The following PCDHGA10 variants were observed in gnomAD, a reference collection of about 807,000 sequenced individuals.
PCDHGA10 encodes protocadherin gamma subfamily A, 10, also known as protocadherin gamma-A10.
PCDHGA10 carries 42 observed loss-of-function variants against 59.5 expected under a neutral mutation model. The observed-to-expected ratio is 0.71, with a 90% CI of 0.55 to 0.91. The LOEUF is 0.91. Ranked by LOEUF, PCDHGA10 falls within the 40% of genes least tolerant of loss-of-function variation. PCDHGA10 has a pLI of 0.00. For synonymous variants in PCDHGA10, 511 were observed against 517.2 expected (o/e 0.99, Z 0.16); for missense variants, 1,111 against 1,198.2 (o/e 0.93, Z 1.07).
Position 141,423,691 on chromosome 5 carries a change from T to C in PCDHGA10, c.2436+8080T>C. On this transcript the variant is annotated intron_variant, in intron 1 of 3. Coordinates refer to ENST00000398610, the MANE Select transcript of PCDHGA10 (RefSeq NM_018913.3). Reference sequence around the variant, plus strand: ...ATTTATTTCTCTGCCTCCTAATTGTTGGTGTCTTGGCACAAGTCTTTTAAG... The same window carrying C: ...ATTTATTTCTCTGCCTCCTAATTGTCGGTGTCTTGGCACAAGTCTTTTAAG... 5 of 1,506,830 alleles carry C rather than the reference T, an allele frequency of 3.3e-6. No individual in the cohort carries two copies. The South Asian group carries it at 6.9e-5, about 21-fold the overall frequency. 93.3% of individuals were successfully genotyped at this position (1,506,830 alleles called of 1,614,324 possible).
Position 141,432,599 on chromosome 5 carries a change from C to T in PCDHGA10, c.2436+16988C>T. 2.5e-6 allele frequency: 4 copies of T among 1,613,908 alleles called. No individual in the cohort carries two copies. The highest frequency in any genetic ancestry group is 2.7e-5 in the African/African-American group (2 of 75,052). On this transcript the variant is annotated intron_variant, in intron 1 of 3. Coordinates refer to ENST00000398610, the MANE Select transcript of PCDHGA10 (RefSeq NM_018913.3). The surrounding 1 kb of genome is among the most constrained non-coding windows in gnomAD (Gnocchi z 6.0). Reference sequence around the variant, plus strand: ...CTACCGTCTGCTCAAGGCCAGCGAGCCGGGACTCTTCTCGGTGGGTCTGCA... The same window carrying T: ...CTACCGTCTGCTCAAGGCCAGCGAGTCGGGACTCTTCTCGGTGGGTCTGCA...
chr5:141,442,457 T>G (rs1209684998), intron 1 of PCDHGA10: 1 of 152,268 alleles, frequency 6.6e-6, no homozygotes, highest in African/African-American at 2.4e-5. Context: ...AATAGCAGTT[T>G]CACTGCAGAA....
chr5:141,464,823 C>T (rs890811354), intron 1 of PCDHGA10, among the ~76,000 whole-genome samples: 5 of 151,986 alleles, frequency 3.3e-5, no homozygotes, highest in African/African-American at 1.2e-4. Flanking sequence ...ACTGTAGCCT[C>T]GCACTCCTGG....
intron 1 of PCDHGA10, chr5:141,478,305 C>A (rs775282798): frequency 1.2e-6 from 2 of 1,613,974 alleles, no homozygotes; most frequent in Non-Finnish European, 8.5e-7. Flanking sequence ...TACCGAGCCC[C>A]GGTGAGCTCA....
At chr5:141,483,907 C>A (rs545585133) in intron 1 of PCDHGA10, among the ~76,000 whole-genome samples, 1 of 151,240 alleles carries the variant, frequency 6.6e-6, no homozygotes, top group East Asian at 1.9e-4. Context: ...TGGTGTGTTT[C>A]CCACTCAGAT....
chr5:141,503,401 C>A (rs987421198), intron 2 of PCDHGA10, among the ~76,000 whole-genome samples: 15 of 151,848 alleles, frequency 9.9e-5, no homozygotes, highest in Non-Finnish European at 1.9e-4. Context: ...TCGAAACCAA[C>A]CTGGCCAATA....
In PCDHGA10 at chr5:141,512,133, G is replaced by A. The variant is rs1394116556; in HGVS notation, c.*960G>A. ...CCACTACATAATAGGGCTCAGCCCA[G>A]GCAGCCAGCTTTGGGCTGAGCTAAC... On this transcript the variant is annotated 3_prime_UTR_variant, in exon 4 of 4. Coordinates refer to ENST00000398610, the MANE Select transcript of PCDHGA10 (RefSeq NM_018913.3). 3 of 152,708 alleles carry A rather than the reference G, an allele frequency of 2.0e-5. No homozygotes were observed. Among genetic ancestry groups the A allele is most frequent in the Non-Finnish European group, 2.9e-5 (2 of 68,102 alleles). 9.5% of individuals were successfully genotyped at this position (152,708 alleles called of 1,614,324 possible).
At chr5:141,484,317 T>C (rs939085863) in intron 1 of PCDHGA10, among the ~76,000 whole-genome samples, 1 of 152,220 alleles carries the variant, frequency 6.6e-6, no homozygotes, top group Non-Finnish European at 1.5e-5. Context: ...CCCGCTTCCA[T>C]ACTGTCCTTG....
chr5:141,418,626 C>A (rs1237600131), intron 1 of PCDHGA10: 2 of 1,613,902 alleles, frequency 1.2e-6, no homozygotes, highest in African/African-American at 2.7e-5. Context: ...GAAGACGTGC[C>A]TCCAGGCACC....
rs374191427 is a variant in PCDHGA10 at position 141,419,804 on chromosome 5, G to A, written c.2436+4193G>A. ...GCGCCTGCTAGTCGCTGTAAGAGAT[G>A]GAGGACAGCCACCCCTTTCAGCCAC... On this transcript the variant is annotated intron_variant, in intron 1 of 3. Coordinates refer to ENST00000398610, the MANE Select transcript of PCDHGA10 (RefSeq NM_018913.3). The A allele has an allele frequency of 2.8e-5, 45 of 1,613,946 alleles. No homozygotes were observed. The highest frequency in any genetic ancestry group is 1.6e-4 in the Middle Eastern group (1 of 6,082).
rs1301800438 is a variant in PCDHGA10, at chr5:141,432,966, C to T, written c.2436+17355C>T. ...TCAGGAGGCGGCTTGACAGGAGCGC[C>T]GGCGTCGCACTTTGTGGGCGTGGAC... On this transcript the variant is annotated intron_variant, in intron 1 of 3. Coordinates refer to ENST00000398610, the MANE Select transcript of PCDHGA10 (RefSeq NM_018913.3). This position sits in a 1 kb window ranked among gnomAD's most constrained non-coding sequence, Gnocchi z 6.0. 1.2e-6 allele frequency: 2 copies of T among 1,614,066 alleles called. No homozygotes were observed. The highest frequency in any genetic ancestry group is 8.5e-7 in the Non-Finnish European group (1 of 1,180,052).
intron 1 of PCDHGA10, among the ~76,000 whole-genome samples, chr5:141,450,088 C>T (rs1358812478): frequency 1.3e-5 from 2 of 148,484 alleles, no homozygotes; most frequent in East Asian, 2.0e-4. Context: ...CTCACTGCAA[C>T]CTCCGCCTCC....
At chr5:141,447,011 C>T (rs1213312322) in intron 1 of PCDHGA10, among the ~76,000 whole-genome samples, 1 of 143,918 alleles carries the variant, frequency 6.9e-6, no homozygotes. Flanking sequence ...TCCTAGTGTT[C>T]AGTTTTGTTT....
At chr5:141,455,185 T>C (rs1334330699) in intron 1 of PCDHGA10, among the ~76,000 whole-genome samples, 1 of 152,064 alleles carries the variant, frequency 6.6e-6, no homozygotes, top group Admixed American at 6.6e-5. Flanking sequence ...TTTTTATTTC[T>C]CTACAAATTT....
Position 141,490,795 on chromosome 5 carries a change from C to G in PCDHGA10, c.2437-4012C>G. The G allele has an allele frequency of 6.2e-7, 1 of 1,614,036 alleles. No homozygotes were observed. The highest frequency in any genetic ancestry group is 1.1e-5 in the South Asian group (1 of 91,084). Reference sequence around the variant, plus strand: ...CCCAGAGGATGGACGGATCTTTGCCCAGCGTACCTTTGACTATGAATTGCT... The same window carrying G: ...CCCAGAGGATGGACGGATCTTTGCCGAGCGTACCTTTGACTATGAATTGCT... On this transcript the variant is annotated intron_variant, in intron 1 of 3. Transcript: ENST00000398610. This position sits in a 1 kb window ranked among gnomAD's most constrained non-coding sequence, Gnocchi z 5.4.
At chr5:141,459,108 A>G (rs1240280274) in intron 1 of PCDHGA10, among the ~76,000 whole-genome samples, 1 of 152,216 alleles carries the variant, frequency 6.6e-6, no homozygotes, top group Non-Finnish European at 1.5e-5. Flanking sequence ...ATGCATTTTG[A>G]CAATTGTTTA....
intron 1 of PCDHGA10, chr5:141,428,224 G>A (rs1232582892): frequency 1.7e-6 from 2 of 1,164,198 alleles, no homozygotes; most frequent in Non-Finnish European, 1.3e-6. Flanking sequence ...AGTCTTCGCA[G>A]ACAGCCTGCA....
At chr5:141,482,356 G>T (rs1330274684) in intron 1 of PCDHGA10, among the ~76,000 whole-genome samples, 1 of 152,236 alleles carries the variant, frequency 6.6e-6, no homozygotes, top group East Asian at 1.9e-4. Flanking sequence ...TGTTGTGAGA[G>T]TGAAAAGTAA....
intron 1 of PCDHGA10, among the ~76,000 whole-genome samples, chr5:141,462,771 G>C (rs1295560657): frequency 6.6e-6 from 1 of 152,088 alleles, no homozygotes; most frequent in Non-Finnish European, 1.5e-5. Context: ...CTGGCTTGGG[G>C]TCATAATTTG....
Sources: allele counts gnomAD v4.1 joint callset (sites outside exome capture counted in the v4.1 genomes callset), GRCh38; gene constraint gnomAD v4.1.1; non-coding constraint Gnocchi (gnomAD v3.1); transcripts MANE v1.5; gene names NCBI Gene and HGNC (gene_info 2026-07-23, HGNC 2026-07-21).